CSPG4: variants seen among roughly 807,000 people sequenced by gnomAD.
The protein encoded by CSPG4 is chondroitin sulfate proteoglycan 4 (melanoma-associated).
CSPG4 carries 74 observed loss-of-function variants against 139.3 expected under a neutral mutation model. The ratio of observed to expected loss-of-function variants is 0.53; its 90% CI spans 0.44 to 0.64. The LOEUF (loss-of-function observed/expected upper bound fraction) is 0.64. CSPG4 is among the 30% of genes least tolerant of loss of function. CSPG4 has a pLI of 0.00. For missense variants in CSPG4, 2,565 were observed against 3,148.3 expected, an observed-to-expected ratio of 0.81 and a Z score of 4.43; for synonymous variants, 1,234 against 1,394.2, an observed-to-expected ratio of 0.89 and a Z score of 2.56.
chr15:75,679,796 C>T (rs1893947350), intron 8 of CSPG4: 2 of 152,264 alleles, frequency 1.3e-5, no homozygotes, highest in South Asian at 4.1e-4. Flanking sequence ...AGCGATTCCC[C>T]TGCCTCAGCC....
chr15:75,686,538 C>T (rs1389305534), intron 3 of CSPG4, among the ~76,000 whole-genome samples: 3 of 151,560 alleles, frequency 2.0e-5, no homozygotes, highest in African/African-American at 4.8e-5. Flanking sequence ...TGCATTTGCC[C>T]GGAATGTTCC....
At chr15:75,703,218 GGGT>G (rs1207938100) in intron 1 of CSPG4, among the ~76,000 whole-genome samples, 1 of 131,390 alleles carries the variant, frequency 7.6e-6, no homozygotes, top group Non-Finnish European at 1.7e-5. Flanking sequence ...CAGAGAGACA[GGGT>G]AGGAAAGACA....
rs765842181 is a variant in CSPG4, at chr15:75,690,494, C to A, written c.571G>T (p.Gly191Cys). 8 of 1,609,398 alleles carry A rather than the reference C, an allele frequency of 5.0e-6. No homozygotes were observed. Among genetic ancestry groups the A allele is most frequent in the East Asian group, 2.2e-5 (1 of 44,854 alleles). Residue 191 changes from glycine (G) to cysteine (C), a missense_variant, in exon 3 of 10, where the codon GGC becomes TGC. By Grantham distance (159) the Gly-to-Cys change is radical. This residue lies in a region of CSPG4 where 132 missense variants were observed against 132.3 expected (regional missense o/e 1.00). Coordinates refer to ENST00000308508, the MANE Select transcript of CSPG4 (RefSeq NM_001897.5). ...LRPLTPDVHE[G>C]CAEEFSASDD... The stretch of plus-strand genomic sequence containing the variant: ...CTGGCAGAAAACTCTTCAGCACAGC[C>A]CTCATGCACATCGGGGGTCAGAGGC...
At chr15:75,691,947 C>T (rs548887205) in intron 2 of CSPG4, among the ~76,000 whole-genome samples, 1 of 152,214 alleles carries the variant, frequency 6.6e-6, no homozygotes, top group African/African-American at 2.4e-5. Context: ...AGCCCTAGTC[C>T]TCTCCCCATG....
rs750146416 is a variant in CSPG4 at position 75,682,940 on chromosome 15, G to A, written c.4551C>T (p.Ser1517=). 5 of 1,611,360 alleles carry A rather than the reference G, an allele frequency of 3.1e-6. No individual in the cohort carries two copies. The highest frequency in any genetic ancestry group is 4.2e-6 in the Non-Finnish European group (5 of 1,179,702). The stretch of plus-strand genomic sequence containing the variant: ...CCCCCCGCAGCACTACCCGCCCGTT[G>A]CTGGGCTGCTCGATGGTGTAGACCA... ...EDLVYTIEQP[S]NGRVVLRGAP... The change falls in exon 6 of 10, where the codon AGC becomes AGT. Residue 1517 remains serine, a synonymous_variant. Transcript: ENST00000308508.
intron 1 of CSPG4, among the ~76,000 whole-genome samples, chr15:75,699,379 G>T (rs780832933): frequency 1.1e-4 from 17 of 152,250 alleles, no homozygotes; most frequent in Non-Finnish European, 2.5e-4. Context: ...GGCCAGGGAG[G>T]AAAACAGTTT....
chr15:75,685,454 C>T lies in CSPG4; in HGVS notation c.4037G>A (p.Gly1346Asp). The change falls in exon 4 of 10, where the codon GGC becomes GAC. Residue 1346 changes from glycine (G) to aspartate (D), a missense_variant. Physicochemically the swap from Gly to Asp is moderately conservative, Grantham distance 94. This residue lies in a region of CSPG4 where 2,316 missense variants were observed against 2,818.2 expected (regional missense o/e 0.82). Coordinates refer to ENST00000308508, the MANE Select transcript of CSPG4 (RefSeq NM_001897.5). ...VASGLGAPLE[G>D]VLVELEVLPA... ...CAGCACCTCCAGCTCCACAAGGACGCCCTCGAGGGGAGCACCCAGGCCTGA... is the reference window on the plus strand; with the variant it reads ...CAGCACCTCCAGCTCCACAAGGACGTCCTCGAGGGGAGCACCCAGGCCTGA... 1 of 1,612,412 alleles carries T rather than the reference C, an allele frequency of 6.2e-7. No individual in the cohort carries two copies. The highest frequency in any genetic ancestry group is 1.1e-5 in the South Asian group (1 of 91,034).
chr15:75,684,295 C>A (rs1178793808), intron 5 of CSPG4, among the ~76,000 whole-genome samples: 9 of 152,262 alleles, frequency 5.9e-5, no homozygotes, highest in Admixed American at 2.6e-4. Flanking sequence ...TTCACCAGGG[C>A]CTTCCCTGCA....
At chr15:75,694,149 C>T (rs983842458) in intron 1 of CSPG4, among the ~76,000 whole-genome samples, 51 of 152,228 alleles carry the variant, frequency 3.4e-4, no homozygotes, top group African/African-American at 1.2e-3. Context: ...TTGGGAGGGG[C>T]TGAGGGTCTG....
At chr15:75,699,110 C>A (rs10851883) in intron 1 of CSPG4, among the ~76,000 whole-genome samples, 1 of 152,032 alleles carries the variant, frequency 6.6e-6, no homozygotes, top group Non-Finnish European at 1.5e-5. Context: ...CGTGAGCTAC[C>A]GAAATGCGGA....
At position 75,677,088 on chromosome 15, in the gene CSPG4, A is replaced by T. The variant is rs1324530935; in HGVS notation, c.5431T>A (p.Ser1811Thr). ...TCTGAGGTTTGGGGTCCAGCCACGG[A>T]GGCCCCTGCTGGCCCCTGGAGGTGG... ...RAHLQGPAGASVAGPQTSEAF... is the reference protein window; with the variant it reads ...RAHLQGPAGATVAGPQTSEAF... The change falls in exon 10 of 10, where the codon TCC becomes ACC. Residue 1811 changes from serine to threonine, a missense_variant. By Grantham distance (58) the Ser-to-Thr change is moderately conservative. Coordinates refer to ENST00000308508, the MANE Select transcript of CSPG4 (RefSeq NM_001897.5). The T allele has an allele frequency of 7.1e-7, 1 of 1,417,936 alleles. No homozygotes were observed. Among genetic ancestry groups the T allele is most frequent in the East Asian group, 2.6e-5 (1 of 38,352 alleles). The allele number at this position is 1,417,936 out of a possible 1,614,324, so 87.8% of individuals were successfully genotyped here. A position where few individuals can be genotyped will look rare whatever the true frequency, so the allele number is the denominator to read the frequency against.
In CSPG4 at chr15:75,687,268, C is replaced by A. The variant is rs1468995916; in HGVS notation, c.3789+8G>T. ...CCACACCCCTGCTCACCACCTCCAACTCCTCACCTCCAGCTGGTCCCTTCT... is the reference window on the plus strand; with the variant it reads ...CCACACCCCTGCTCACCACCTCCAAATCCTCACCTCCAGCTGGTCCCTTCT... On this transcript the variant is annotated splice_region_variant and intron_variant, in intron 3 of 9. Coordinates refer to ENST00000308508, the MANE Select transcript of CSPG4 (RefSeq NM_001897.5). The surrounding 1 kb of genome is among the most constrained non-coding windows in gnomAD (Gnocchi z 5.4). 10 of 1,609,878 alleles carry A rather than the reference C, an allele frequency of 6.2e-6. No homozygotes were observed. The highest frequency in any genetic ancestry group is 7.6e-6 in the Non-Finnish European group (9 of 1,179,870).
At position 75,687,794 on chromosome 15, in the gene CSPG4, C is replaced by G. The variant is rs1409305831; in HGVS notation, c.3271G>C (p.Val1091Leu). 1 of 1,612,776 alleles carries G rather than the reference C, an allele frequency of 6.2e-7. No individual in the cohort carries two copies. Among genetic ancestry groups the G allele is most frequent in the Non-Finnish European group, 8.5e-7 (1 of 1,179,990 alleles). Residue 1091 changes from valine to leucine, a missense_variant, in exon 3 of 10, where the codon GTA becomes CTA. Val to Leu is a conservative substitution (Grantham distance 32, BLOSUM62 1). Transcript: ENST00000308508. This position sits in a 1 kb window ranked among gnomAD's most constrained non-coding sequence, Gnocchi z 5.4. ...FTQEDLRKRRVLFVHSGADRG... is the reference protein window; with the variant it reads ...FTQEDLRKRRLLFVHSGADRG... The stretch of plus-strand genomic sequence containing the variant: ...TCAGCCCCTGAGTGCACGAACAGTA[C>G]TCGCCTCTTCCTGAGGTCCTCCTGG...
intron 1 of CSPG4, among the ~76,000 whole-genome samples, chr15:75,712,448 G>C (rs1410143297): frequency 6.6e-6 from 1 of 152,160 alleles, no homozygotes; most frequent in Non-Finnish European, 1.5e-5. Flanking sequence ...CCCCTAACTG[G>C]ACAGCCTTGG....
At position 75,676,527 on chromosome 15, in the gene CSPG4, A is replaced by C. The variant is rs1292756061; in HGVS notation, c.5992T>G (p.Ser1998Ala). 1 of 1,613,608 alleles carries C rather than the reference A, an allele frequency of 6.2e-7. No homozygotes were observed. The highest frequency in any genetic ancestry group is 2.2e-5 in the East Asian group (1 of 44,878). ...GHLLVGGRPT[S>A]AFSQFQIDQG... ...TCTATCTGGAATTGGCTGAAGGCCG[A>C]GGTGGGCCGCCCGCCCACCAGGAGA... Residue 1998 changes from serine to alanine, a missense_variant, in exon 10 of 10, where the codon TCG (serine) becomes GCG (alanine). Ser to Ala is a moderately conservative substitution (Grantham distance 99). Transcript: ENST00000308508.
chr15:75,681,643 C>T (rs1167260138), intron 8 of CSPG4, among the ~76,000 whole-genome samples: 16 of 152,200 alleles, frequency 1.1e-4, no homozygotes, highest in Non-Finnish European at 2.1e-4. Context: ...CTGTCTTCAG[C>T]GAGTGGTGTT....
In CSPG4 at chr15:75,684,888, C is replaced by A. The variant is rs745472324; in HGVS notation, c.4297G>T (p.Val1433Leu). 1.2e-6 allele frequency: 2 copies of A among 1,610,710 alleles called. No individual in the cohort carries two copies. Among genetic ancestry groups the A allele is most frequent in the African/African-American group, 2.7e-5 (2 of 74,872 alleles). ...RMVEEQLIRY[V>L]HDGSETLTDS... ...GTCAGTGTCTCGCTCCCGTCATGCA[C>A]GTAGCGGATCAGCTGCTCTTCCACC... Residue 1433 changes from valine (V) to leucine (L), a missense_variant, in exon 5 of 10, where the codon GTG (valine) becomes TTG (leucine). By Grantham distance (32) the Val-to-Leu change is conservative. Around this residue, in one of 5 missense-constraint regions of CSPG4, gnomAD observed 2,316 missense variants for 2,818.2 expected, o/e 0.82. Coordinates refer to ENST00000308508, the MANE Select transcript of CSPG4 (RefSeq NM_001897.5).
At chr15:75,682,784 C>T in intron 6 of CSPG4, 43 bp from the exon 7 acceptor site, 1 of 1,607,842 alleles carries the variant, frequency 6.2e-7, no homozygotes, top group African/African-American at 1.3e-5. Context: ...GAGCCGGCTC[C>T]CCATCTCAGG....
rs377251689 is a variant in CSPG4, at chr15:75,685,655, T to C, written c.3836A>G (p.Lys1279Arg). 3.1e-6 allele frequency: 5 copies of C among 1,607,022 alleles called. No individual in the cohort carries two copies. In the African/African-American group the frequency reaches 6.7e-5, roughly 21 times the overall value. Residue 1279 changes from lysine to arginine, a missense_variant, in exon 4 of 10, where the codon AAG becomes AGG. Around this residue, in one of 5 missense-constraint regions of CSPG4, gnomAD observed 2,316 missense variants for 2,818.2 expected, o/e 0.82. Transcript: ENST00000308508. ...VPPADIVFSV[K>R]SPPSAGYLVM... is the part of the protein sequence containing the mutation. ...CAGGTAGCCGGCACTCGGTGGGCTC[T>C]TCACTGAGAATACGATGTCTGCAGG...
Sources: gnomAD v4.1 joint callset for allele counts (sites outside exome capture counted in the v4.1 genomes callset) on GRCh38, gnomAD v4.1.1 for gene constraint, gnomAD v4.1.1 regional missense constraint, Gnocchi (gnomAD v3.1) non-coding constraint, MANE v1.5 for transcripts, NCBI Gene and HGNC (gene_info 2026-07-23, HGNC 2026-07-21) for gene names.